FHIT: variants seen among roughly 807,000 people sequenced by gnomAD.
The protein encoded by FHIT is bis(5'-adenosyl)-triphosphatase.
FHIT carries 19 observed loss-of-function variants against 17.9 expected under a neutral mutation model. The ratio of observed to expected loss-of-function variants is 1.06; its 90% CI spans 0.74 to 1.56. The LOEUF is 1.56. Among genes scored for constraint, FHIT ranks in the 40% most tolerant of loss-of-function variants. The probability of loss-of-function intolerance (pLI) is 0.00; values close to 1 mark genes in which losing one functional copy is unlikely to be tolerated. For missense variants in FHIT, 248 were observed against 189.2 expected (o/e 1.31, Z -1.82); for synonymous variants, 81 against 69.7 (o/e 1.16, Z -0.81).
intron 4 of FHIT, among the ~76,000 whole-genome samples, chr3:60,651,876 C>CTATA (rs1553688359): frequency 6.6e-6 from 1 of 152,156 alleles, no homozygotes; most frequent in East Asian, 1.9e-4. Context: ...CACTGGTCCA[C>CTATA]TGAGCAAACC....
intron 4 of FHIT, among the ~76,000 whole-genome samples, chr3:60,655,624 A>G (rs1450745508): frequency 2.6e-5 from 4 of 152,144 alleles, no homozygotes; most frequent in Non-Finnish European, 5.9e-5. Context: ...ATCAAATCAA[A>G]GATTATCCAG....
chr3:60,071,832 C>T lies in FHIT; in HGVS notation c.104-57680G>A, dbSNP rs149418218. On this transcript the variant is annotated intron_variant, in intron 5 of 9. Transcript: ENST00000492590. Reference sequence around the variant, plus strand: ...CCCATGGGGGCAGTTCTTTCCCATGCTGTTCTCATGATAGTGAATAAGTCT... The same window carrying T: ...CCCATGGGGGCAGTTCTTTCCCATGTTGTTCTCATGATAGTGAATAAGTCT... 6.2e-3 allele frequency among the ~76,000 whole-genome samples: 939 copies of T among 152,276 alleles called. 12 individuals are homozygous for T. The highest frequency in any genetic ancestry group is 0.021 in the African/African-American group (876 of 41,556).
intron 3 of FHIT, among the ~76,000 whole-genome samples, chr3:60,886,303 C>A (rs1553759243): frequency 6.6e-6 from 1 of 152,218 alleles, no homozygotes; most frequent in Non-Finnish European, 1.5e-5. Context: ...ATTGAAAAAT[C>A]TTGGCAAGGC....
intron 5 of FHIT, among the ~76,000 whole-genome samples, chr3:60,179,961 G>A (rs1701851420): frequency 6.6e-6 from 1 of 152,140 alleles, no homozygotes. Flanking sequence ...AATTCTCTGA[G>A]GAATTAGAGC....
At chr3:60,525,819 A>T (rs1467053421) in intron 5 of FHIT, among the ~76,000 whole-genome samples, 1 of 152,140 alleles carries the variant, frequency 6.6e-6, no homozygotes, top group African/African-American at 2.4e-5. Flanking sequence ...TCAACAGGTG[A>T]CAGGTGGCCA....
chr3:60,065,346 G>A (rs765860858), intron 5 of FHIT, among the ~76,000 whole-genome samples: 6 of 152,024 alleles, frequency 3.9e-5, no homozygotes, highest in Non-Finnish European at 5.9e-5. Flanking sequence ...CCATGTCACC[G>A]AGAGGCTTAA....
intron 5 of FHIT, among the ~76,000 whole-genome samples, chr3:60,223,076 T>G (rs920940101): frequency 2.6e-5 from 4 of 152,148 alleles, no homozygotes; most frequent in African/African-American, 9.7e-5. Context: ...CCATCTACAA[T>G]AGTCTCCTCC....
chr3:61,101,726 T>A (rs978395840), intron 2 of FHIT, among the ~76,000 whole-genome samples: 1 of 152,150 alleles, frequency 6.6e-6, no homozygotes, highest in Non-Finnish European at 1.5e-5. Context: ...CTCTTTTATT[T>A]TGTTGAGCAG....
intron 2 of FHIT, among the ~76,000 whole-genome samples, chr3:61,190,035 A>T (rs954492219): frequency 1.3e-5 from 2 of 152,088 alleles, no homozygotes; most frequent in African/African-American, 4.8e-5. Context: ...CAAGGACTTC[A>T]TGTCTAAAAC....
intron 4 of FHIT, among the ~76,000 whole-genome samples, chr3:60,758,743 A>G (rs2108048227): frequency 6.6e-6 from 1 of 152,310 alleles, no homozygotes; most frequent in African/African-American, 2.4e-5. Context: ...CTATTTTATG[A>G]ACTAGACATA....
At chr3:60,428,713 C>A (rs915038032) in intron 5 of FHIT, among the ~76,000 whole-genome samples, 1 of 152,078 alleles carries the variant, frequency 6.6e-6, no homozygotes, top group Non-Finnish European at 1.5e-5. Flanking sequence ...CAAAGTGAAG[C>A]AATGATGCCC....
At chr3:59,906,627 T>C (rs1451823967) in intron 8 of FHIT, among the ~76,000 whole-genome samples, 1 of 152,234 alleles carries the variant, frequency 6.6e-6, no homozygotes, top group African/African-American at 2.4e-5. Context: ...CTGCGTGATT[T>C]TCCCAGCCTA....
chr3:60,559,640 G>C (rs1187344391), intron 4 of FHIT, among the ~76,000 whole-genome samples: 3 of 152,066 alleles, frequency 2.0e-5, no homozygotes, highest in South Asian at 2.1e-4. Context: ...CACTAACCAA[G>C]CGCTTGCTAA....
intron 4 of FHIT, among the ~76,000 whole-genome samples, chr3:60,722,233 T>C (rs1178971727): frequency 2.0e-5 from 3 of 152,214 alleles, no homozygotes. Flanking sequence ...AGGGCAATTA[T>C]ATTCAAAGAA....
At chr3:60,441,744 TTATATATATAAAAA>T (rs2030844053) in intron 5 of FHIT, among the ~76,000 whole-genome samples, 1 of 7,690 alleles carries the variant, frequency 1.3e-4, no homozygotes. Context: ...ATATATATAT[TTATATATATAAAAA>T]TATATATATA....
chr3:60,413,740 G>A (rs1246191369), intron 5 of FHIT, among the ~76,000 whole-genome samples: 2 of 152,072 alleles, frequency 1.3e-5, no homozygotes, highest in Non-Finnish European at 2.9e-5. Flanking sequence ...CTGGTAGTAT[G>A]TAGTTGTCCA....
chr3:61,153,845 G>T (rs746713771), intron 2 of FHIT, among the ~76,000 whole-genome samples: 7 of 152,146 alleles, frequency 4.6e-5, no homozygotes, highest in Non-Finnish European at 1.0e-4. Flanking sequence ...GAGGGGCCCA[G>T]CCTTAAATTA....
At chr3:60,584,101 C>A (rs11921411) in intron 4 of FHIT, among the ~76,000 whole-genome samples, 115 of 152,120 alleles carry the variant, frequency 7.6e-4, no homozygotes, top group African/African-American at 2.6e-3. Flanking sequence ...CACAGAATGA[C>A]CAGGACCTAA....
At chr3:60,001,974 C>T (rs1699747366) in intron 7 of FHIT, among the ~76,000 whole-genome samples, 1 of 152,078 alleles carries the variant, frequency 6.6e-6, no homozygotes, top group Admixed American at 6.6e-5. Context: ...TGGGGGAACA[C>T]GAACTGATAT....
Sources: allele counts gnomAD v4.1 joint callset (sites outside exome capture counted in the v4.1 genomes callset), GRCh38; gene constraint gnomAD v4.1.1; transcripts MANE v1.5; gene names NCBI Gene and HGNC (gene_info 2026-07-23, HGNC 2026-07-21).